Variants in FMNL2 observed in about 807,000 individuals in gnomAD.
FMNL2 encodes the protein formin-like protein 2.
In FMNL2, 51 loss-of-function variants were observed where a neutral mutation model predicts 130.2. That is an observed-to-expected ratio of 0.39 (90% CI 0.31 to 0.49). The LOEUF (loss-of-function observed/expected upper bound fraction) is 0.49. FMNL2 is among the 20% of genes least tolerant of loss of function. FMNL2 has a pLI of 0.85. For synonymous variants in FMNL2, 465 were observed against 467.1 expected, an observed-to-expected ratio of 1.00 and a Z score of 0.06; for missense variants, 977 against 1,316.2, an observed-to-expected ratio of 0.74 and a Z score of 3.99.
chr2:152,504,334 C>T (rs1309594460), intron 1 of FMNL2, among the ~76,000 whole-genome samples: 1 of 151,264 alleles, frequency 6.6e-6, no homozygotes, highest in African/African-American at 2.4e-5. Context: ...GCAACCTCTG[C>T]CTCCTAGGTT....
intron 1 of FMNL2, among the ~76,000 whole-genome samples, chr2:152,428,844 C>A (rs1303266040): frequency 1.3e-5 from 2 of 152,090 alleles, no homozygotes; most frequent in African/African-American, 4.8e-5. Flanking sequence ...ATGTCATATA[C>A]CTCAAGGTCT....
chr2:152,546,989 C>T (rs985082752), intron 3 of FMNL2, among the ~76,000 whole-genome samples: 7 of 151,194 alleles, frequency 4.6e-5, no homozygotes, highest in African/African-American at 1.2e-4. Flanking sequence ...TCTGTCACCC[C>T]GGATGGAGTG....
chr2:152,394,567 A>G (rs1478650620), intron 1 of FMNL2, among the ~76,000 whole-genome samples: 1 of 151,784 alleles, frequency 6.6e-6, no homozygotes, highest in Non-Finnish European at 1.5e-5. Context: ...GAACTCTTAC[A>G]GGCATAATAT....
intron 20 of FMNL2, 102 bp downstream of exon 20, chr2:152,630,007 T>A: frequency 9.3e-7 from 1 of 1,072,976 alleles, no homozygotes; most frequent in Non-Finnish European, 1.4e-6. Flanking sequence ...TTTTCTGCTA[T>A]GGGAGGATCA....
intron 1 of FMNL2, among the ~76,000 whole-genome samples, chr2:152,490,720 G>A (rs543276715): frequency 6.9e-6 from 1 of 144,776 alleles, no homozygotes; most frequent in South Asian, 2.2e-4. Context: ...ACAGGAAACA[G>A]TTTATGGAGT....
At chr2:152,609,379 G>A (rs1314646616) in intron 10 of FMNL2, among the ~76,000 whole-genome samples, 1 of 152,188 alleles carries the variant, frequency 6.6e-6, no homozygotes, top group African/African-American at 2.4e-5. Context: ...TCCAGAATAT[G>A]AGGCTTTTGA....
At chr2:152,432,540 T>C (rs75166890) in intron 1 of FMNL2, among the ~76,000 whole-genome samples, 5,388 of 152,276 alleles carry the variant, frequency 0.035, 314 homozygotes, top group African/African-American at 0.12. Flanking sequence ...TGTTTCCAGA[T>C]GCATCAGCAG....
chr2:152,456,321 T>G (rs1558878254), intron 1 of FMNL2, among the ~76,000 whole-genome samples: 1 of 152,212 alleles, frequency 6.6e-6, no homozygotes, highest in Non-Finnish European at 1.5e-5. Context: ...ATCACCTTGA[T>G]CTCTTACCTG....
chr2:152,491,324 G>T (rs1002653879), intron 1 of FMNL2, among the ~76,000 whole-genome samples: 2 of 152,152 alleles, frequency 1.3e-5, no homozygotes, highest in South Asian at 4.1e-4. Flanking sequence ...CCAGGCAGGG[G>T]TCGGGTAGGG....
intron 1 of FMNL2, among the ~76,000 whole-genome samples, chr2:152,468,260 T>C (rs1182404709): frequency 6.6e-6 from 1 of 152,148 alleles, no homozygotes; most frequent in African/African-American, 2.4e-5. Context: ...CAAAAGTGAG[T>C]GTGTATAGAT....
chr2:152,411,685 C>G (rs1192174228), intron 1 of FMNL2, among the ~76,000 whole-genome samples: 3 of 152,200 alleles, frequency 2.0e-5, no homozygotes, highest in Non-Finnish European at 4.4e-5. Flanking sequence ...GGTGTTGTCA[C>G]TGTCTCTAGC....
chr2:152,614,763 A>AAAACAAAACAAAACAAAACC, intron 11 of FMNL2, 88 bp from the exon 12 acceptor site: 1 of 1,383,128 alleles, frequency 7.2e-7, no homozygotes, highest in Non-Finnish European at 9.7e-7. Context: ...AAAACAAAAC[A>AAAACAAAACAAAACAAAACC]AAAAACAAAA....
At chr2:152,447,051 TA>T (rs1013165121) in intron 1 of FMNL2, among the ~76,000 whole-genome samples, 1 of 151,194 alleles carries the variant, frequency 6.6e-6, no homozygotes, top group Admixed American at 6.6e-5. Flanking sequence ...GAGAAGAGTT[TA>T]AAAAAAAGAG....
chr2:152,377,734 G>C (rs142775971), intron 1 of FMNL2, among the ~76,000 whole-genome samples: 5 of 152,204 alleles, frequency 3.3e-5, no homozygotes, highest in Admixed American at 3.3e-4. Flanking sequence ...TCTGTGGCTA[G>C]AACTCTGGCA....
intron 3 of FMNL2, among the ~76,000 whole-genome samples, chr2:152,546,715 G>A (rs1288906299): frequency 2.6e-5 from 4 of 152,196 alleles, no homozygotes; most frequent in South Asian, 4.2e-4. Context: ...ACTCTGACAC[G>A]GGAGTGGCCA....
chr2:152,392,386 G>A (rs181981434), intron 1 of FMNL2, among the ~76,000 whole-genome samples: 131 of 152,258 alleles, frequency 8.6e-4, no homozygotes, highest in Middle Eastern at 6.8e-3. Flanking sequence ...GACTGAGATG[G>A]TTATTCCTTT....
chr2:152,423,497 G>A (rs1307056469), intron 1 of FMNL2, among the ~76,000 whole-genome samples: 8 of 152,156 alleles, frequency 5.3e-5, no homozygotes, highest in Admixed American at 3.9e-4. Flanking sequence ...TGGATGGAAG[G>A]CATCAGGAAG....
At chr2:152,474,368 G>A (rs960479518) in intron 1 of FMNL2, among the ~76,000 whole-genome samples, 2 of 152,176 alleles carry the variant, frequency 1.3e-5, no homozygotes, top group African/African-American at 2.4e-5. Context: ...TGGAAAATGA[G>A]CTTCACTTAC....
chr2:152,573,072 T>G (rs1696269656), intron 6 of FMNL2, among the ~76,000 whole-genome samples: 1 of 152,190 alleles, frequency 6.6e-6, no homozygotes, highest in South Asian at 2.1e-4. Flanking sequence ...AAAATGATTC[T>G]AAAATATAGA....
Sources: gnomAD v4.1 joint callset for allele counts (sites outside exome capture counted in the v4.1 genomes callset) on GRCh38, gnomAD v4.1.1 for gene constraint, MANE v1.5 for transcripts, NCBI Gene and HGNC (gene_info 2026-07-23, HGNC 2026-07-21) for gene names.